KNTC1: variants seen among roughly 807,000 people sequenced by gnomAD.
The protein encoded by KNTC1 is kinetochore associated 1.
A neutral mutation model predicts 314.4 loss-of-function variants in KNTC1; 253 were observed. The observed-to-expected ratio is 0.80, with a 90% CI of 0.73 to 0.89. The LOEUF (loss-of-function observed/expected upper bound fraction) is 0.89, where lower values mean the gene tolerates loss of function less well. Among genes scored for constraint, KNTC1 ranks in the 40% least tolerant of loss-of-function variants. The pLI is 0.00. For missense variants in KNTC1, 2,475 were observed against 2,572.9 expected, an observed-to-expected ratio of 0.96 and a Z score of 0.82; for synonymous variants, 901 against 901.4, an observed-to-expected ratio of 1.00 and a Z score of 0.01.
At chr12:122,530,791 A>G (rs1961250876) in intron 2 of KNTC1, among the ~76,000 whole-genome samples, 1 of 152,142 alleles carries the variant, frequency 6.6e-6, no homozygotes, top group Non-Finnish European at 1.5e-5. Flanking sequence ...ATAAAATGTT[A>G]CAAATAGAGT....
At chr12:122,569,582 C>A in intron 21 of KNTC1, 99 bp from the exon 22 acceptor site, 1 of 978,488 alleles carries the variant, frequency 1.0e-6, no homozygotes, top group Non-Finnish European at 1.5e-6. Flanking sequence ...AATCAGTAGG[C>A]TACTCCTTAA....
At position 122,539,395 on chromosome 12, in the gene KNTC1, G is replaced by A. The variant is rs565096361; in HGVS notation, c.367-281G>A. ...AAGGTGTTACCACAGCTTGGATCCC[G>A]AATTCTTGGCTCTCACATAAATAGA... On this transcript the variant is annotated intron_variant, in intron 4 of 63. Transcript: ENST00000333479. Among the ~76,000 whole-genome samples, 29 of 152,206 alleles carry A rather than the reference G, an allele frequency of 1.9e-4. 1 individual carries two copies. Among genetic ancestry groups the A allele is most frequent in the African/African-American group, 6.3e-4 (26 of 41,534 alleles).
chr12:122,615,331 T>G, intron 56 of KNTC1, 139 bp from the exon 57 acceptor site: 1 of 798,934 alleles, frequency 1.3e-6, no homozygotes, highest in Admixed American at 3.0e-5. Flanking sequence ...TATGAACTTG[T>G]AAGTGAACTT....
At position 122,604,938 on chromosome 12, in the gene KNTC1, C is replaced by A; in HGVS notation, c.5237C>A (p.Ser1746Ter). 6.2e-7 allele frequency: 1 copy of A among 1,610,962 alleles called. No individual in the cohort carries two copies. Among genetic ancestry groups the A allele is most frequent in the African/African-American group, 1.3e-5 (1 of 75,006 alleles). ...LKKLHIQYRR[S>*]GTEAVLIAHK... ...AAGCTTCATATCCAGTACCGGCGAT[C>A]GGGCACAGAAGCTGTGCTCATAGCC... The change falls in exon 50 of 64, where the codon TCG becomes TAG. Residue 1746 changes from serine to a stop codon, truncating the protein, a stop_gained. Coordinates refer to ENST00000333479, the MANE Select transcript of KNTC1 (RefSeq NM_014708.6). LOFTEE classifies it high-confidence loss of function.
intron 57 of KNTC1, among the ~76,000 whole-genome samples, chr12:122,618,118 T>C (rs1025732376): frequency 6.6e-6 from 1 of 152,096 alleles, no homozygotes; most frequent in East Asian, 1.9e-4. Context: ...ATTACAAGCA[T>C]GCACCACCAT....
At chr12:122,587,978 G>A (rs1869614947) in intron 39 of KNTC1, 104 bp downstream of exon 39, 5 of 943,780 alleles carry the variant, frequency 5.3e-6, no homozygotes, top group Non-Finnish European at 7.6e-6. Flanking sequence ...TTGTAGCAAG[G>A]AAATTGGTAA....
At chr12:122,606,974 C>T (rs1001961510) in intron 51 of KNTC1, among the ~76,000 whole-genome samples, 2 of 152,164 alleles carry the variant, frequency 1.3e-5, no homozygotes, top group Non-Finnish European at 2.9e-5. Context: ...CACCAATTGT[C>T]CTAATAACGT....
intron 42 of KNTC1, among the ~76,000 whole-genome samples, chr12:122,592,303 C>A (rs1870352912): frequency 6.6e-6 from 1 of 152,224 alleles, no homozygotes; most frequent in African/African-American, 2.4e-5. Context: ...CCTGAGCCTT[C>A]CCCCGCCTCC....
At chr12:122,546,141 A>G (rs1962742578) in intron 8 of KNTC1, 35 bp from the exon 9 acceptor site, 2 of 1,292,954 alleles carry the variant, frequency 1.5e-6, no homozygotes, top group South Asian at 1.2e-5. Context: ...CTAAGAATGA[A>G]ATTTGCATTT....
intron 21 of KNTC1, among the ~76,000 whole-genome samples, chr12:122,568,833 C>T (rs1964505438): frequency 6.6e-6 from 1 of 150,646 alleles, no homozygotes. Flanking sequence ...GAGACTCCGT[C>T]CCAAAAAAAA....
intron 39 of KNTC1, among the ~76,000 whole-genome samples, chr12:122,588,275 T>G (rs1869655646): frequency 6.6e-6 from 1 of 152,206 alleles, no homozygotes; most frequent in Non-Finnish European, 1.5e-5. Context: ...ATTATTATAA[T>G]TATTTCTGAG....
Position 122,603,174 on chromosome 12 carries a change from T to A in KNTC1, c.5032T>A (p.Leu1678Ile). 1 of 1,613,428 alleles carries A rather than the reference T, an allele frequency of 6.2e-7. No homozygotes were observed. Among genetic ancestry groups the A allele is most frequent in the Non-Finnish European group, 8.5e-7 (1 of 1,179,712 alleles). ...GATCACGCAGACCATCGAATCCTGC[T>A]TACTCTCTATAGTCAACCCAGAGTG... ...TKITQTIESC[L>I]LSIVNPEWAV... is the part of the protein sequence containing the mutation. Residue 1678 changes from leucine (L) to isoleucine (I), a missense_variant, in exon 48 of 64, where the codon TTA (leucine) becomes ATA (isoleucine). Transcript: ENST00000333479.
At chr12:122,530,638 A>G (rs537921060) in intron 2 of KNTC1, among the ~76,000 whole-genome samples, 9 of 152,050 alleles carry the variant, frequency 5.9e-5, no homozygotes, top group African/African-American at 1.9e-4. Flanking sequence ...TTTTGTAAAG[A>G]TGGGGTTTCT....
chr12:122,594,221 G>A, intron 42 of KNTC1, 55 bp from the exon 43 acceptor site: 1 of 979,952 alleles, frequency 1.0e-6, no homozygotes, highest in South Asian at 1.3e-5. Flanking sequence ...CCCTTACTCT[G>A]ATACATTTCA....
intron 21 of KNTC1, among the ~76,000 whole-genome samples, chr12:122,569,166 A>G (rs1047576502): frequency 5.9e-5 from 9 of 152,208 alleles, no homozygotes; most frequent in Non-Finnish European, 1.3e-4. Context: ...TAACCAAAAA[A>G]AGAGTCTAAC....
intron 24 of KNTC1, among the ~76,000 whole-genome samples, chr12:122,572,486 T>G (rs1565970841): frequency 6.6e-6 from 1 of 152,228 alleles, no homozygotes; most frequent in Non-Finnish European, 1.5e-5. Context: ...ACCTTTTCTA[T>G]ATAAGAGCTT....
rs763120986 is a variant in KNTC1 at position 122,569,636 on chromosome 12, G to T, written c.1717-45G>T. On this transcript the variant is annotated intron_variant, in intron 21 of 63. Transcript: ENST00000333479. ...CTTTGTCAAACATTTGGAAGCCTTT[G>T]GTTTAAATTTGTCAGATCTTAATTT... is the stretch of plus-strand genomic sequence containing the variant. The T allele has an allele frequency of 3.2e-6, 5 of 1,548,574 alleles. No individual in the cohort carries two copies. In the South Asian group the frequency reaches 4.7e-5, roughly 14 times the overall value.
rs1425364758 is a variant in KNTC1 at position 122,611,136 on chromosome 12, C to T, written c.5622+236C>T. On this transcript the variant is annotated intron_variant, in intron 53 of 63. Coordinates refer to ENST00000333479, the MANE Select transcript of KNTC1 (RefSeq NM_014708.6). The stretch of plus-strand genomic sequence containing the variant: ...GAATGGTGCACCTATTGACAGTTTC[C>T]ACTGGCTGTCTGCATTCACAGTGGT... The T allele has an allele frequency of 2.6e-5, 13 of 494,680 alleles. No homozygotes were observed. The East Asian group carries it at 4.3e-4, about 16-fold the overall frequency. The allele number at this position is 494,680 out of a possible 1,614,324, so 30.6% of individuals were successfully genotyped here. A position where few individuals can be genotyped will look rare whatever the true frequency, so the allele number is the denominator to read the frequency against.
Position 122,602,632 on chromosome 12 carries a change from T to C in KNTC1, c.4717T>C (p.Tyr1573His). The C allele has an allele frequency of 6.2e-7, 1 of 1,611,786 alleles. No homozygotes were observed. The highest frequency in any genetic ancestry group is 8.5e-7 in the Non-Finnish European group (1 of 1,177,880). The part of the protein sequence containing the change: ...RRISPPVDLE[Y>H]QYMLEHVITL... ...AATTTCTCCTCCCGTGGATCTAGAA[T>C]ATCAGTATATGTTGGAACATGTCAT... The change falls in exon 46 of 64, where the codon TAT becomes CAT. Residue 1573 changes from tyrosine to histidine, a missense_variant. Tyr to His is a moderately conservative substitution (Grantham distance 83). Transcript: ENST00000333479.
Sources: allele counts gnomAD v4.1 joint callset (sites outside exome capture counted in the v4.1 genomes callset), GRCh38; gene constraint gnomAD v4.1.1; transcripts MANE v1.5; gene names NCBI Gene and HGNC (gene_info 2026-07-23, HGNC 2026-07-21).